The following TECRL variants were observed in gnomAD, a reference collection of about 807,000 sequenced individuals.
TECRL encodes the protein trans-2,3-enoyl-CoA reductase-like.
A neutral mutation model predicts 52.8 loss-of-function variants in TECRL; 63 were observed. The observed-to-expected ratio is 1.19, with a 90% CI of 0.97 to 1.47. The LOEUF is 1.47. TECRL is among the 40% of genes most tolerant of loss of function. The pLI is 0.00. For missense variants in TECRL, 482 were observed against 429.6 expected, an observed-to-expected ratio of 1.12 and a Z score of -1.08; for synonymous variants, 164 against 141.9, an observed-to-expected ratio of 1.16 and a Z score of -1.10.
intron 1 of TECRL, among the ~76,000 whole-genome samples, chr4:64,387,085 C>T (rs556420142): frequency 2.4e-4 from 37 of 152,230 alleles, no homozygotes; most frequent in African/African-American, 8.7e-4. Context: ...GCTTCACACC[C>T]CATCCCCACT....
At chr4:64,312,127 T>C (rs1338609433) in intron 5 of TECRL, among the ~76,000 whole-genome samples, 1 of 152,232 alleles carries the variant, frequency 6.6e-6, no homozygotes, top group Non-Finnish European at 1.5e-5. Flanking sequence ...TATAGAAATC[T>C]GCCTTCTACA....
Position 64,370,155 on chromosome 4 carries a change from G to T in TECRL, c.286+5017C>A, listed in dbSNP as rs1293585606. 2.6e-5 allele frequency among the ~76,000 whole-genome samples: 4 copies of T among 151,866 alleles called. No homozygotes were observed. In the East Asian group the frequency reaches 7.7e-4, roughly 29 times the overall value. On this transcript the variant is annotated intron_variant, in intron 2 of 11. Coordinates refer to ENST00000381210, the MANE Select transcript of TECRL (RefSeq NM_001010874.5). Reference sequence around the variant, plus strand: ...TAAACTTAAAGAAAAATGTTTTAAAGGTAGTTCAAATGGTCAAGAAACCAA... The same window carrying T: ...TAAACTTAAAGAAAAATGTTTTAAATGTAGTTCAAATGGTCAAGAAACCAA...
intron 1 of TECRL, among the ~76,000 whole-genome samples, chr4:64,385,791 A>G (rs1723140368): frequency 6.6e-6 from 1 of 152,142 alleles, no homozygotes; most frequent in East Asian, 1.9e-4. Flanking sequence ...GCAGCTCCTT[A>G]TACTAGTCTT....
chr4:64,283,472 T>C (rs939003061), intron 9 of TECRL, among the ~76,000 whole-genome samples: 4 of 152,120 alleles, frequency 2.6e-5, no homozygotes, highest in African/African-American at 9.6e-5. Flanking sequence ...GCAATCCAAG[T>C]GTAAAAATCT....
chr4:64,288,312 G>A (rs773952551), intron 9 of TECRL, among the ~76,000 whole-genome samples: 5 of 152,006 alleles, frequency 3.3e-5, no homozygotes, highest in Admixed American at 2.0e-4. Flanking sequence ...CATAGTGACC[G>A]GCTATCAGAA....
chr4:64,382,168 G>T (rs1722840036), intron 1 of TECRL, among the ~76,000 whole-genome samples: 1 of 142,362 alleles, frequency 7.0e-6, no homozygotes, highest in Non-Finnish European at 1.5e-5. Context: ...TTAGTAGGTT[G>T]TGTACGTCCA....
chr4:64,395,297 T>C (rs1319402259), intron 1 of TECRL, among the ~76,000 whole-genome samples: 1 of 152,136 alleles, frequency 6.6e-6, no homozygotes, highest in Non-Finnish European at 1.5e-5. Context: ...ATTGCATACA[T>C]TTACCATTAA....
At chr4:64,374,052 C>CAT (rs77300773) in intron 2 of TECRL, among the ~76,000 whole-genome samples, 2,993 of 105,842 alleles carry the variant, frequency 0.028, 132 homozygotes, top group African/African-American at 0.1. Context: ...ATAGTAGATA[C>CAT]ATATATATAT....
intron 2 of TECRL, among the ~76,000 whole-genome samples, chr4:64,352,109 A>G (rs1720439544): frequency 6.6e-6 from 1 of 152,182 alleles, no homozygotes; most frequent in Admixed American, 6.5e-5. Flanking sequence ...ATATTGATGA[A>G]TGGTGTTAGA....
chr4:64,320,368 A>G (rs961772572), intron 4 of TECRL, among the ~76,000 whole-genome samples: 1 of 151,902 alleles, frequency 6.6e-6, no homozygotes, highest in South Asian at 2.1e-4. Context: ...TATGTGGTAA[A>G]ACATTACTTT....
At chr4:64,286,969 C>T (rs1301144922) in intron 9 of TECRL, among the ~76,000 whole-genome samples, 1 of 152,058 alleles carries the variant, frequency 6.6e-6, no homozygotes, top group African/African-American at 2.4e-5. Flanking sequence ...TTTCGCTTCT[C>T]TACTAAAAAA....
chr4:64,293,993 A>G (rs1012612438), intron 8 of TECRL, among the ~76,000 whole-genome samples: 3 of 138,196 alleles, frequency 2.2e-5, no homozygotes, highest in African/African-American at 8.1e-5. Context: ...ATATATATAT[A>G]TATATTTTTT....
intron 2 of TECRL, among the ~76,000 whole-genome samples, chr4:64,352,558 T>C: frequency 6.6e-6 from 1 of 152,256 alleles, no homozygotes; most frequent in South Asian, 2.1e-4. Context: ...AAAATTTTAT[T>C]GTTACATGTA....
intron 2 of TECRL, among the ~76,000 whole-genome samples, chr4:64,331,926 G>A (rs772496387): frequency 1.3e-4 from 20 of 152,080 alleles, no homozygotes; most frequent in Non-Finnish European, 2.9e-5. Context: ...AGCAAAAAAA[G>A]TCCATTAATT....
intron 2 of TECRL, among the ~76,000 whole-genome samples, chr4:64,356,316 G>A (rs572560565): frequency 2.0e-5 from 3 of 152,182 alleles, no homozygotes; most frequent in African/African-American, 7.2e-5. Context: ...TGCTGAGGAG[G>A]ATTAGTAAAA....
At chr4:64,322,064 T>G (rs1372551076) in intron 4 of TECRL, among the ~76,000 whole-genome samples, 9 of 152,112 alleles carry the variant, frequency 5.9e-5, no homozygotes. Flanking sequence ...TTGACCCCTA[T>G]TACTGTTAAA....
intron 4 of TECRL, 137 bp from the exon 5 acceptor site, chr4:64,314,900 A>C (rs1717380881): frequency 4.6e-6 from 3 of 658,114 alleles, no homozygotes; most frequent in Admixed American, 2.8e-5. Flanking sequence ...TGATATTGCA[A>C]ATAACGACTT....
chr4:64,280,981 A>C, intron 11 of TECRL, 60 bp downstream of exon 11: 1 of 1,278,512 alleles, frequency 7.8e-7, no homozygotes, highest in Non-Finnish European at 1.1e-6. Context: ...TTTTTCTCAG[A>C]AACCATTTAT....
chr4:64,347,921 C>T (rs1011982212), intron 2 of TECRL, among the ~76,000 whole-genome samples: 1 of 152,180 alleles, frequency 6.6e-6, no homozygotes, highest in African/African-American at 2.4e-5. Context: ...ATTTTGACGA[C>T]AACCAGTCAG....
Sources: allele counts gnomAD v4.1 joint callset (sites outside exome capture counted in the v4.1 genomes callset), GRCh38; gene constraint gnomAD v4.1.1; transcripts MANE v1.5; gene names NCBI Gene and HGNC (gene_info 2026-07-23, HGNC 2026-07-21).